The following CASR variants were observed in gnomAD, a reference collection of about 807,000 sequenced individuals.
CASR encodes the protein calcium sensing receptor, also known as extracellular calcium-sensing receptor.
A neutral mutation model predicts 69.1 loss-of-function variants in CASR; 23 were observed. The observed-to-expected ratio is 0.33, with a 90% CI of 0.24 to 0.47. The LOEUF is 0.47. Among genes scored for constraint, CASR ranks in the 20% least tolerant of loss-of-function variants. CASR has a pLI of 1.00. For missense variants in CASR, 924 were observed against 1,356.1 expected (o/e 0.68, Z 5.00); for synonymous variants, 541 against 544.7 (o/e 0.99, Z 0.10).
chr3:122,238,821 C>T (rs941068594), intron 1 of CASR, among the ~76,000 whole-genome samples: 5 of 152,154 alleles, frequency 3.3e-5, no homozygotes, highest in African/African-American at 1.2e-4. Flanking sequence ...TAGACATGCC[C>T]TGGGCCAGAA....
At chr3:122,247,695 C>G (rs2074441243) in intron 1 of CASR, 1 of 152,326 alleles carries the variant, frequency 6.6e-6, no homozygotes, top group African/African-American at 2.4e-5. Context: ...CATGGAGCCC[C>G]TCCATGTTCC....
chr3:122,274,074 G>A (rs1025586200), intron 4 of CASR, among the ~76,000 whole-genome samples: 1 of 152,182 alleles, frequency 6.6e-6, no homozygotes, highest in African/African-American at 2.4e-5. Flanking sequence ...AGAAGACGAG[G>A]GACACAAATC....
chr3:122,232,550 G>A (rs1003804312), intron 1 of CASR, among the ~76,000 whole-genome samples: 3 of 152,206 alleles, frequency 2.0e-5, no homozygotes, highest in South Asian at 4.1e-4. Context: ...TGAAGGGAGG[G>A]CAGGCTAGGT....
At chr3:122,237,676 G>A (rs922923383) in intron 1 of CASR, among the ~76,000 whole-genome samples, 1 of 152,140 alleles carries the variant, frequency 6.6e-6, no homozygotes, top group African/African-American at 2.4e-5. Flanking sequence ...CTTTTATGAA[G>A]CTTAAAACAA....
chr3:122,219,195 A>G (rs573308683), intron 1 of CASR, among the ~76,000 whole-genome samples: 2 of 152,310 alleles, frequency 1.3e-5, no homozygotes, highest in South Asian at 4.1e-4. Context: ...GGGAAAAATT[A>G]ATTATTTCAC....
At chr3:122,266,985 C>G (rs991022507) in intron 4 of CASR, among the ~76,000 whole-genome samples, 2 of 152,188 alleles carry the variant, frequency 1.3e-5, no homozygotes, top group Non-Finnish European at 2.9e-5. Context: ...GCCTGGGCAA[C>G]AGAGCGAGAC....
chr3:122,204,783 T>C (rs2073990298), intron 1 of CASR, among the ~76,000 whole-genome samples: 1 of 152,148 alleles, frequency 6.6e-6, no homozygotes, highest in South Asian at 2.1e-4. Flanking sequence ...TGGGCTAAGA[T>C]AATATCATGT....
At chr3:122,251,921 C>T (rs1010688258) in intron 1 of CASR, among the ~76,000 whole-genome samples, 1 of 152,140 alleles carries the variant, frequency 6.6e-6, no homozygotes, top group African/African-American at 2.4e-5. Flanking sequence ...CTGTGGCATC[C>T]AAAGATTTGC....
At chr3:122,281,406 C>T (rs1211184396) in intron 5 of CASR, among the ~76,000 whole-genome samples, 1 of 152,182 alleles carries the variant, frequency 6.6e-6, no homozygotes, top group Non-Finnish European at 1.5e-5. Flanking sequence ...CTAGCTAAGA[C>T]CTCCAGTGCA....
intron 1 of CASR, among the ~76,000 whole-genome samples, chr3:122,226,542 C>T (rs1420367445): frequency 6.6e-6 from 1 of 152,180 alleles, no homozygotes; most frequent in Non-Finnish European, 1.5e-5. Context: ...CTTTTATTCT[C>T]TTATCTGGCC....
intron 5 of CASR, among the ~76,000 whole-genome samples, chr3:122,280,128 G>A (rs2074869949): frequency 6.6e-6 from 1 of 152,146 alleles, no homozygotes; most frequent in South Asian, 2.1e-4. Context: ...TATCTCAATA[G>A]ACACAGAAAA....
chr3:122,220,516 T>C (rs1356821094), intron 1 of CASR, among the ~76,000 whole-genome samples: 1 of 152,244 alleles, frequency 6.6e-6, no homozygotes, highest in East Asian at 1.9e-4. Context: ...CACAATGCAT[T>C]AAATAAATCA....
In CASR at chr3:122,227,293, A is replaced by T. The variant is rs7627484; in HGVS notation, c.-242-26655A>T. On this transcript the variant is annotated intron_variant, in intron 1 of 6. Transcript: ENST00000639785. The stretch of plus-strand genomic sequence containing the variant: ...TGCTCATCAGGGAGGCTCCCGCCAC[A>T]CAGGAGCCCATGGTGGGGGGTTGGG... 4.9e-4 allele frequency among the ~76,000 whole-genome samples: 74 copies of T among 152,142 alleles called. 1 individual carries two copies. Among genetic ancestry groups the T allele is most frequent in the African/African-American group, 1.8e-3 (74 of 41,556 alleles).
chr3:122,281,868 G>A (rs2074892407), intron 5 of CASR, among the ~76,000 whole-genome samples: 1 of 144,634 alleles, frequency 6.9e-6, no homozygotes, highest in Non-Finnish European at 1.5e-5. Flanking sequence ...GTCTGTGTAT[G>A]TGTGCATGCA....
chr3:122,220,020 A>G (rs1386287566), intron 1 of CASR, among the ~76,000 whole-genome samples: 1 of 152,238 alleles, frequency 6.6e-6, no homozygotes, highest in African/African-American at 2.4e-5. Flanking sequence ...GTATGCCTGC[A>G]TGCACATATA....
rs897592862 is a variant in CASR at position 122,286,675 on chromosome 3, A to C, written c.*1484A>C. On this transcript the variant is annotated 3_prime_UTR_variant, in exon 7 of 7. Coordinates refer to ENST00000639785, the MANE Select transcript of CASR (RefSeq NM_000388.4). ...TAGTATCACTGGCTCATGGTGAGGA[A>C]GCCAGAAAGCTGGTCAGCCCCTCAG... 8.5e-5 allele frequency: 13 copies of C among 152,260 alleles called. No homozygotes were observed. The highest frequency in any genetic ancestry group is 1.2e-4 in the Non-Finnish European group (8 of 68,074). The allele number at this position is 152,260 out of a possible 1,614,324, so 9.4% of individuals were successfully genotyped here.
At chr3:122,281,713 G>T (rs1421376350) in intron 5 of CASR, among the ~76,000 whole-genome samples, 1 of 152,084 alleles carries the variant, frequency 6.6e-6, no homozygotes, top group African/African-American at 2.4e-5. Context: ...GCACTCCTGA[G>T]CATAAACCCA....
rs2074816499 is a variant in CASR at position 122,276,058 on chromosome 3, C to G, written c.1608+16C>G. ...CTCCAGGGAGGTAGGTGCTGTCCAT[C>G]AGAAAACCAGATGTCTCCACCAGGG... On this transcript the variant is annotated intron_variant, in intron 5 of 6. Transcript: ENST00000639785. The G allele has an allele frequency of 2.6e-6, 4 of 1,511,448 alleles. No individual in the cohort carries two copies. Among genetic ancestry groups the G allele is most frequent in the African/African-American group, 1.4e-5 (1 of 72,970 alleles). The allele number at this position is 1,511,448 out of a possible 1,614,324, so 93.6% of individuals were successfully genotyped here. A position where few individuals can be genotyped will look rare whatever the true frequency, so the allele number is the denominator to read the frequency against.
chr3:122,263,255 A>T (rs1002215007), intron 4 of CASR, among the ~76,000 whole-genome samples: 1 of 152,168 alleles, frequency 6.6e-6, no homozygotes, highest in African/African-American at 2.4e-5. Context: ...CTGAATTTGA[A>T]TGGAATGTGC....
Sources: allele counts gnomAD v4.1 joint callset (sites outside exome capture counted in the v4.1 genomes callset), GRCh38; gene constraint gnomAD v4.1.1; transcripts MANE v1.5; gene names NCBI Gene and HGNC (gene_info 2026-07-23, HGNC 2026-07-21).